ITGAM: variants seen among roughly 807,000 people sequenced by gnomAD.
ITGAM encodes the protein integrin subunit alpha M.
A neutral mutation model predicts 137.5 loss-of-function variants in ITGAM; 79 were observed. The ratio of observed to expected loss-of-function variants is 0.57; its 90% CI spans 0.48 to 0.69. ITGAM has a LOEUF of 0.69. Among genes scored for constraint, ITGAM ranks in the 30% least tolerant of loss-of-function variants. The pLI, the probability that ITGAM is intolerant of heterozygous loss-of-function variation, is 0.00. For synonymous variants in ITGAM, 583 were observed against 592.3 expected, an observed-to-expected ratio of 0.98 and a Z score of 0.23; for missense variants, 1,343 against 1,483.5, an observed-to-expected ratio of 0.91 and a Z score of 1.56.
chr16:31,263,069 G>A (rs948177632), intron 2 of ITGAM, among the ~76,000 whole-genome samples: 5 of 152,136 alleles, frequency 3.3e-5, no homozygotes, highest in Admixed American at 6.5e-5. Context: ...AGCCTCCTGA[G>A]TAGCTTGGAT....
In ITGAM at chr16:31,332,003, G is replaced by T; in HGVS notation, c.*296G>T. ...TGTGTCCATGTGTGTGCAAGTGTGTGCATGTGTGCGAGTGTGTGCATGTGT... is the reference window on the plus strand; with the variant it reads ...TGTGTCCATGTGTGTGCAAGTGTGTTCATGTGTGCGAGTGTGTGCATGTGT... On this transcript the variant is annotated 3_prime_UTR_variant, in exon 30 of 30. Transcript: ENST00000544665. The T allele has an allele frequency of 2.2e-6, 1 of 454,712 alleles. No individual in the cohort carries two copies. The highest frequency in any genetic ancestry group is 4.0e-6 in the Non-Finnish European group (1 of 252,832). 28.2% of individuals were successfully genotyped at this position (454,712 alleles called of 1,614,324 possible).
intron 12 of ITGAM, among the ~76,000 whole-genome samples, chr16:31,285,485 G>A (rs74392756): frequency 6.6e-6 from 1 of 152,094 alleles, no homozygotes; most frequent in African/African-American, 2.4e-5. Flanking sequence ...ATTAAAAAAA[G>A]TTAGCCAAGC....
intron 14 of ITGAM, among the ~76,000 whole-genome samples, chr16:31,314,715 C>CT (rs1249488680): frequency 6.6e-6 from 1 of 151,352 alleles, no homozygotes; most frequent in Non-Finnish European, 1.5e-5. Flanking sequence ...TATATGGGCT[C>CT]TTTTTTGGCT....
intron 14 of ITGAM, among the ~76,000 whole-genome samples, chr16:31,306,413 C>G (rs987731747): frequency 6.6e-6 from 1 of 151,872 alleles, no homozygotes; most frequent in African/African-American, 2.4e-5. Context: ...ATATTTGAAG[C>G]TAATATAGAA....
At chr16:31,270,861 T>C (rs1224252602) in intron 5 of ITGAM, 93 bp from the exon 6 acceptor site, 12 of 679,668 alleles carry the variant, frequency 1.8e-5, no homozygotes, top group African/African-American at 3.7e-5. Context: ...CGGGGTCCTA[T>C]ATTCTCATTG....
intron 1 of ITGAM, among the ~76,000 whole-genome samples, 173 bp from the exon 2 acceptor site, chr16:31,261,519 T>G (rs1428804422): frequency 6.6e-6 from 1 of 151,816 alleles, no homozygotes; most frequent in South Asian, 2.1e-4. Context: ...TTTTGTTTTT[T>G]TTTTGTATTT....
At position 31,265,425 on chromosome 16, in the gene ITGAM, G is replaced by A. The variant is rs1440966833; in HGVS notation, c.165G>A (p.Val55=). ...RVVVGAPQEI[V]AANQRGSLYQ... The stretch of plus-strand genomic sequence containing the variant: ...TGGTTGGAGCCCCCCAGGAGATAGT[G>A]GCTGCCAACCAAAGGGGCAGCCTCT... The change falls in exon 3 of 30, where the codon GTG becomes GTA. Residue 55 remains valine (V), a synonymous_variant. Coordinates refer to ENST00000544665, the MANE Select transcript of ITGAM (RefSeq NM_000632.4). 1 of 1,606,482 alleles carries A rather than the reference G, an allele frequency of 6.2e-7. No homozygotes were observed. Among genetic ancestry groups the A allele is most frequent in the Non-Finnish European group, 8.5e-7 (1 of 1,177,004 alleles).
rs2080566709 is a variant in ITGAM, at chr16:31,330,523, T to C, written c.3194T>C (p.Leu1065Pro). 3 of 1,613,762 alleles carry C rather than the reference T, an allele frequency of 1.9e-6. No individual in the cohort carries two copies. Among genetic ancestry groups the C allele is most frequent in the Non-Finnish European group, 1.7e-6 (2 of 1,179,692 alleles). ...CCACAGACCTCGCATAACCACCTCCTGATCGTGAGCACAGCTGAGATCTTG... is the reference window on the plus strand; with the variant it reads ...CCACAGACCTCGCATAACCACCTCCCGATCGTGAGCACAGCTGAGATCTTG... ...WYIKTSHNHL[L>P]IVSTAEILFN... Residue 1065 changes from leucine (L) to proline (P), a missense_variant, in exon 28 of 30, where the codon CTG becomes CCG. Leu to Pro is a moderately conservative substitution (Grantham distance 98, BLOSUM62 -3). Transcript: ENST00000544665.
chr16:31,292,021 G>A (rs1283151828), intron 12 of ITGAM, among the ~76,000 whole-genome samples: 1 of 152,010 alleles, frequency 6.6e-6, no homozygotes, highest in Non-Finnish European at 1.5e-5. Context: ...ATCACACATT[G>A]TATGCTTGTA....
In ITGAM at chr16:31,331,212, C is replaced by G; in HGVS notation, c.3324C>G (p.Leu1108=). 1 of 1,613,546 alleles carries G rather than the reference C, an allele frequency of 6.2e-7. No homozygotes were observed. The highest frequency in any genetic ancestry group is 1.3e-5 in the African/African-American group (1 of 75,046). ...EPFEVPNPLP[L]IVGSSVGGLL... is the part of the protein sequence containing the mutation. ...TCGAGGTCCCCAACCCCCTGCCGCT[C>G]ATCGTGGGCAGCTCTGTCGGGGGAC... Residue 1108 remains leucine, a synonymous_variant, in exon 29 of 30, where the codon CTC becomes CTG. Transcript: ENST00000544665.
chr16:31,327,203 T>C (rs952315680), intron 22 of ITGAM, among the ~76,000 whole-genome samples: 2 of 152,166 alleles, frequency 1.3e-5, no homozygotes, highest in South Asian at 4.1e-4. Context: ...TAATCTTGCA[T>C]CCATCTCAAA....
chr16:31,290,756 G>GA lies in ITGAM; in HGVS notation c.1357-6749dup, dbSNP rs934484212. The stretch of plus-strand genomic sequence containing the variant: ...CAATGCAATAAAGCAGGAAAAAGAA[G>GA]AAAAAAAAATATAAAGAGGAAAGGA... On this transcript the variant is annotated intron_variant, in intron 12 of 29. Transcript: ENST00000544665. Among the ~76,000 whole-genome samples the GA allele has an allele frequency of 5.4e-5, 8 of 148,956 alleles. No homozygotes were observed. In the South Asian group the frequency reaches 1.1e-3, roughly 20 times the overall value.
At position 31,261,692 on chromosome 16, in the gene ITGAM, C is replaced by G. The variant is rs370788044; in HGVS notation, c.29C>G (p.Ala10Gly). ...GATCCTTCCCCCATTCTCCCTTTAG[C>G]CTTGACCTTATGTCATGGGTTCAAC... MALRVLLLT[A>G]LTLCHGFNLD... The change falls in exon 2 of 30, where the codon GCC (alanine) becomes GGC (glycine). Residue 10 changes from alanine (A) to glycine (G), a missense_variant and splice_region_variant. Physicochemically the swap from Ala to Gly is moderately conservative, Grantham distance 60. Transcript: ENST00000544665. The G allele has an allele frequency of 6.2e-7, 1 of 1,605,658 alleles. No individual in the cohort carries two copies.
intron 14 of ITGAM, among the ~76,000 whole-genome samples, chr16:31,310,280 T>G (rs1470097637): frequency 6.6e-6 from 1 of 152,228 alleles, no homozygotes; most frequent in South Asian, 2.1e-4. Flanking sequence ...GATAATATCC[T>G]GCAGAGTGTT....
At chr16:31,265,637 C>G in intron 3 of ITGAM, 139 bp downstream of exon 3, 1 of 750,686 alleles carries the variant, frequency 1.3e-6, no homozygotes, top group Admixed American at 2.8e-5. Flanking sequence ...CCTGCAGTCT[C>G]TACCCTAGAC....
At chr16:31,329,073 T>TA in intron 23 of ITGAM, 155 bp from the exon 24 acceptor site, 27 of 426,216 alleles carry the variant, frequency 6.3e-5, no homozygotes, top group Non-Finnish European at 6.7e-5. Context: ...ACACATTGGT[T>TA]CCCCCATCCC....
At chr16:31,312,494 A>G (rs1366879905) in intron 14 of ITGAM, among the ~76,000 whole-genome samples, 1 of 152,110 alleles carries the variant, frequency 6.6e-6, no homozygotes, top group Non-Finnish European at 1.5e-5. Context: ...TGGTGCAATC[A>G]TGGCTCACTG....
intron 12 of ITGAM, among the ~76,000 whole-genome samples, chr16:31,293,350 T>C (rs2080104690): frequency 6.7e-6 from 1 of 148,958 alleles, no homozygotes; most frequent in South Asian, 2.1e-4. Flanking sequence ...ATTGCCTAGG[T>C]TGTCTTCCAG....
At chr16:31,270,736 TATATATA>T (rs1457955971) in intron 5 of ITGAM, among the ~76,000 whole-genome samples, 49 of 115,668 alleles carry the variant, frequency 4.2e-4, no homozygotes, top group Non-Finnish European at 6.9e-4. Context: ...TATATATATA[TATATATA>T]TGTTTTTAAC....
Sources: gnomAD v4.1 joint callset for allele counts (sites outside exome capture counted in the v4.1 genomes callset) on GRCh38, gnomAD v4.1.1 for gene constraint, MANE v1.5 for transcripts, NCBI Gene and HGNC (gene_info 2026-07-23, HGNC 2026-07-21) for gene names.